NME8: variants seen among roughly 807,000 people sequenced by gnomAD.
NME8 encodes NME/NM23 family member 8.
Under a neutral mutation model 82.3 loss-of-function variants are expected in NME8, and 72 were observed. The observed-to-expected ratio is 0.87, with a 90% confidence interval of 0.72 to 1.06. The LOEUF is 1.06. NME8 is among the 50% of genes least tolerant of loss of function. NME8 has a pLI of 0.00. For synonymous variants in NME8, 267 were observed against 228.5 expected (o/e 1.17, Z -1.52); for missense variants, 712 against 685.4 (o/e 1.04, Z -0.43).
At chr7:37,894,029 T>A (rs1356084642) in intron 15 of NME8, among the ~76,000 whole-genome samples, 2 of 152,190 alleles carry the variant, frequency 1.3e-5, no homozygotes, top group Admixed American at 6.5e-5. Context: ...AGGCTGTTGG[T>A]GAGATTTTGA....
In NME8 at chr7:37,865,491, G is replaced by A. The variant is rs370504650; in HGVS notation, c.529-34G>A. 5.7e-5 allele frequency: 82 copies of A among 1,439,208 alleles called. No homozygotes were observed. The African/African-American group carries it at 6.2e-4, about 11-fold the overall frequency. 89.2% of individuals were successfully genotyped at this position (1,439,208 alleles called of 1,614,324 possible). A position where few individuals can be genotyped will look rare whatever the true frequency, so the allele number is the denominator to read the frequency against. On this transcript the variant is annotated intron_variant, in intron 9 of 17. Coordinates refer to ENST00000199447, the MANE Select transcript of NME8 (RefSeq NM_016616.5). Reference sequence around the variant, plus strand: ...TAACTTGTTTTACATGTGATCCCACGACACCTGGATTTGACCTTACTCTCT... The same window carrying A: ...TAACTTGTTTTACATGTGATCCCACAACACCTGGATTTGACCTTACTCTCT...
chr7:37,863,476 CTT>C lies in NME8; in HGVS notation c.454+15_454+16del. The stretch of plus-strand genomic sequence containing the variant: ...GTGAAAGTGTTCGTAAGTAAATTTA[CTT>C]CAAAGTAATCCAAGGGTTTTCTGTA... On this transcript the variant is annotated intron_variant, in intron 8 of 17. Coordinates refer to ENST00000199447, the MANE Select transcript of NME8 (RefSeq NM_016616.5). 2.0e-6 allele frequency: 3 copies of C among 1,523,862 alleles called. No individual in the cohort carries two copies. The African/African-American group carries it at 4.1e-5, about 21-fold the overall frequency. The allele number at this position is 1,523,862 out of a possible 1,614,324, so 94.4% of individuals were successfully genotyped here.
chr7:37,866,203 G>T (rs1784674867), intron 10 of NME8, among the ~76,000 whole-genome samples: 1 of 151,954 alleles, frequency 6.6e-6, no homozygotes. Flanking sequence ...GTGATCATTT[G>T]AATTTAAATT....
At chr7:37,888,845 T>G (rs1785083660) in intron 15 of NME8, among the ~76,000 whole-genome samples, 1 of 152,090 alleles carries the variant, frequency 6.6e-6, no homozygotes, top group South Asian at 2.1e-4. Flanking sequence ...TGGATACTAT[T>G]TGCTTATATT....
intron 5 of NME8, among the ~76,000 whole-genome samples, chr7:37,853,459 C>G (rs569928570): frequency 6.6e-6 from 1 of 152,190 alleles, no homozygotes; most frequent in South Asian, 2.1e-4. Context: ...TTGCCACATG[C>G]AGTTGGAAAG....
At chr7:37,856,666 A>G (rs1181654507) in intron 5 of NME8, among the ~76,000 whole-genome samples, 1 of 152,238 alleles carries the variant, frequency 6.6e-6, no homozygotes, top group East Asian at 1.9e-4. Context: ...ATGAGAAAAT[A>G]TTAAGAAAAT....
Position 37,894,457 on chromosome 7 carries a change from T to G in NME8, c.1400-9T>G. On this transcript the variant is annotated splice_polypyrimidine_tract_variant and intron_variant, in intron 15 of 17. Coordinates refer to ENST00000199447, the MANE Select transcript of NME8 (RefSeq NM_016616.5). Reference sequence around the variant, plus strand: ...ATCTGCAATATTATCAAATATTTGTTTTTCTTAGAGCAGATCCTGAAGATA... The same window carrying G: ...ATCTGCAATATTATCAAATATTTGTGTTTCTTAGAGCAGATCCTGAAGATA... 1 of 1,612,196 alleles carries G rather than the reference T, an allele frequency of 6.2e-7. No homozygotes were observed. The highest frequency in any genetic ancestry group is 1.3e-5 in the African/African-American group (1 of 74,940).
intron 14 of NME8, 87 bp downstream of exon 14, chr7:37,885,339 C>G (rs192564977): frequency 9.3e-5 from 79 of 852,436 alleles, no homozygotes; most frequent in African/African-American, 8.4e-4. Context: ...AACCACAGCT[C>G]TAGTCCAAGG....
At chr7:37,867,492 T>C (rs912279258) in intron 10 of NME8, among the ~76,000 whole-genome samples, 1 of 152,076 alleles carries the variant, frequency 6.6e-6, no homozygotes, top group East Asian at 1.9e-4. Context: ...ATGTCCCCCA[T>C]GAATATATGC....
At chr7:37,883,858 C>T (rs4530942) in intron 12 of NME8, among the ~76,000 whole-genome samples, 1 of 152,106 alleles carries the variant, frequency 6.6e-6, no homozygotes, top group Non-Finnish European at 1.5e-5. Context: ...ATTCAATCAC[C>T]TTGTTTATCC....
chr7:37,876,229 T>TATAGATAGATAGATAG (rs56873287), intron 11 of NME8, among the ~76,000 whole-genome samples: 67 of 146,194 alleles, frequency 4.6e-4, no homozygotes, highest in African/African-American at 1.6e-3. Flanking sequence ...TATATATATA[T>TATAGATAGATAGATAG]ATAGATAGAT....
At chr7:37,851,704 T>C (rs969917918) in intron 5 of NME8, among the ~76,000 whole-genome samples, 6 of 152,256 alleles carry the variant, frequency 3.9e-5, no homozygotes, top group Admixed American at 6.5e-5. Flanking sequence ...AGAATTTATA[T>C]GTGTGGCTTA....
At chr7:37,872,294 G>A (rs1784777421) in intron 11 of NME8, among the ~76,000 whole-genome samples, 1 of 152,132 alleles carries the variant, frequency 6.6e-6, no homozygotes, top group Admixed American at 6.5e-5. Context: ...AGCTTGTAGA[G>A]GTCATCTTGC....
At chr7:37,863,532 T>C (rs1784630696) in intron 8 of NME8, 70 bp downstream of exon 8, 1 of 846,292 alleles carries the variant, frequency 1.2e-6, no homozygotes, top group South Asian at 1.3e-5. Flanking sequence ...CATCACTTGT[T>C]TCAGCAAAAC....
intron 10 of NME8, among the ~76,000 whole-genome samples, chr7:37,865,875 GC>G (rs769761965): frequency 4.6e-5 from 7 of 152,044 alleles, no homozygotes; most frequent in Non-Finnish European, 7.4e-5. Flanking sequence ...TTTATGTCAG[GC>G]CCTCCAAGAG....
intron 17 of NME8, 29 bp downstream of exon 17, chr7:37,897,136 T>A (rs1562844416): frequency 7.2e-7 from 1 of 1,390,146 alleles, no homozygotes; most frequent in South Asian, 1.2e-5. Flanking sequence ...ATTATTTTAT[T>A]TTATTTGCTT....
intron 11 of NME8, among the ~76,000 whole-genome samples, chr7:37,870,588 CA>C (rs35884288): frequency 0.58 from 56,953 of 97,644 alleles, 13,582 homozygotes; most frequent in East Asian, 0.75. Flanking sequence ...GACTCCATCT[CA>C]AAAAAAAAAA....
intron 12 of NME8, among the ~76,000 whole-genome samples, chr7:37,877,930 A>C (rs188717614): frequency 6.6e-6 from 1 of 152,156 alleles, no homozygotes; most frequent in Non-Finnish European, 1.5e-5. Context: ...GCAAAGTGAG[A>C]TACTTGTTCC....
rs780317892 is a variant in NME8 at position 37,864,417 on chromosome 7, G to T, written c.524G>T (p.Arg175Ile). Residue 175 changes from arginine (R) to isoleucine (I), a missense_variant, in exon 9 of 18, where the codon AGA becomes ATA. Arg to Ile is a moderately conservative substitution (Grantham distance 97). Transcript: ENST00000199447. ...VISKKVLEIK[R>I]KITKAGFIIE... Reference sequence around the variant, plus strand: ...AGTAAAAAAGTTCTAGAAATTAAAAGAAAAGTAAGTAATATTTTCCAACTA... The same window carrying T: ...AGTAAAAAAGTTCTAGAAATTAAAATAAAAGTAAGTAATATTTTCCAACTA... 7 of 1,573,658 alleles carry T rather than the reference G, an allele frequency of 4.4e-6. No individual in the cohort carries two copies. Among genetic ancestry groups the T allele is most frequent in the South Asian group, 2.2e-5 (2 of 89,586 alleles).
Sources: gnomAD v4.1 joint callset for allele counts (sites outside exome capture counted in the v4.1 genomes callset) on GRCh38, gnomAD v4.1.1 for gene constraint, MANE v1.5 for transcripts, NCBI Gene and HGNC (gene_info 2026-07-23, HGNC 2026-07-21) for gene names.